The following ITGA11 variants were observed in gnomAD, a reference collection of about 807,000 sequenced individuals.
ITGA11 encodes integrin subunit alpha 11.
In ITGA11, 97 loss-of-function variants were observed where a neutral mutation model predicts 141.9. The ratio of observed to expected loss-of-function variants is 0.68; its 90% confidence interval spans 0.58 to 0.81. The LOEUF is 0.81. Among genes scored for constraint, ITGA11 ranks in the 30% least tolerant of loss-of-function variants. ITGA11 has a pLI of 0.00. For synonymous variants in ITGA11, 658 were observed against 624.6 expected, an observed-to-expected ratio of 1.05 and a Z score of -0.80; for missense variants, 1,387 against 1,559.2, an observed-to-expected ratio of 0.89 and a Z score of 1.86.
In ITGA11 at chr15:68,405,159, C is replaced by CGTTTTTTT. The variant is rs10647873; in HGVS notation, c.53-2131_53-2130insAAAAAAAC. Among the ~76,000 whole-genome samples the CGTTTTTTT allele has an allele frequency of 3.5e-4, 42 of 118,924 alleles. 9 individuals carry two copies. The highest frequency in any genetic ancestry group is 4.1e-4 in the African/African-American group (13 of 31,662). 78.0% of individuals were successfully genotyped at this position (118,924 alleles called of 152,430 possible). ...ACAAGTTATTTTTCCCACTGTCTCCCTTTTTTTTTTTTTTTTGCTCAGCAA... is the reference window on the plus strand; with the variant it reads ...ACAAGTTATTTTTCCCACTGTCTCCCGTTTTTTTTTTTTTTTTTTTTTTTGCTCAGCAA... On this transcript the variant is annotated intron_variant, in intron 1 of 29. Transcript: ENST00000315757.
intron 1 of ITGA11, among the ~76,000 whole-genome samples, chr15:68,405,256 C>A (rs1202675144): frequency 7.2e-6 from 1 of 139,592 alleles, no homozygotes; most frequent in Non-Finnish European, 1.5e-5. Context: ...AACTGAGGGA[C>A]CTTCAAGTAG....
rs561722268 is a variant in ITGA11, at chr15:68,352,780, C to T, written c.750-1378G>A. Among the ~76,000 whole-genome samples, 13 of 152,256 alleles carry T rather than the reference C, an allele frequency of 8.5e-5. No homozygotes were observed. The South Asian group carries it at 2.7e-3, about 32-fold the overall frequency. On this transcript the variant is annotated intron_variant, in intron 7 of 29. Coordinates refer to ENST00000315757, the MANE Select transcript of ITGA11 (RefSeq NM_001004439.2). ...CAGCCCACCTATCAGGCAATCCAGC[C>T]CAGGAGACAGCAGGGCTGGCACCTC...
rs946376454 is a variant in ITGA11, at chr15:68,334,951, C to A, written c.1425+746G>T. On this transcript the variant is annotated intron_variant, in intron 12 of 29. Transcript: ENST00000315757. Reference sequence around the variant, plus strand: ...AGGAGGAGGAATGGCAGGAGGGTGGCGCTCTGCAGTGAGAGGGATTTAGGT... The same window carrying A: ...AGGAGGAGGAATGGCAGGAGGGTGGAGCTCTGCAGTGAGAGGGATTTAGGT... 2.0e-5 allele frequency among the ~76,000 whole-genome samples: 3 copies of A among 151,980 alleles called. No homozygotes were observed. The East Asian group carries it at 5.8e-4, about 29-fold the overall frequency.
At chr15:68,356,979 G>C in intron 7 of ITGA11, 172 bp downstream of exon 7, 2 of 617,354 alleles carry the variant, frequency 3.2e-6, no homozygotes, top group South Asian at 4.1e-5. Flanking sequence ...CTACCTGAGA[G>C]GACCCAAGAG....
chr15:68,376,003 T>C lies in ITGA11; in HGVS notation c.165-6719A>G, dbSNP rs945559715. 2.0e-5 allele frequency among the ~76,000 whole-genome samples: 3 copies of C among 152,144 alleles called. No homozygotes were observed. In the East Asian group the frequency reaches 5.8e-4, roughly 29 times the overall value. ...TCTCCCTGGACCCTACCCCAGACCATCAACAGAGGCTGAAACTGGGGGTGG... is the reference window on the plus strand; with the variant it reads ...TCTCCCTGGACCCTACCCCAGACCACCAACAGAGGCTGAAACTGGGGGTGG... On this transcript the variant is annotated intron_variant, in intron 2 of 29. Coordinates refer to ENST00000315757, the MANE Select transcript of ITGA11 (RefSeq NM_001004439.2).
intron 2 of ITGA11, among the ~76,000 whole-genome samples, chr15:68,390,309 G>A (rs780881418): frequency 1.3e-5 from 2 of 152,100 alleles, no homozygotes; most frequent in African/African-American, 2.4e-5. Context: ...GGCCCTTGAC[G>A]TTCAAGGAGG....
intron 7 of ITGA11, among the ~76,000 whole-genome samples, chr15:68,356,304 G>A (rs541187431): frequency 1.7e-4 from 26 of 150,364 alleles, no homozygotes; most frequent in South Asian, 1.5e-3. Flanking sequence ...GGGTTTCACC[G>A]TGTTGCCCAG....
chr15:68,302,815 T>C lies in ITGA11; in HGVS notation c.*244A>G. The C allele has an allele frequency of 2.0e-6, 1 of 500,144 alleles. No individual in the cohort carries two copies. The highest frequency in any genetic ancestry group is 3.5e-6 in the Non-Finnish European group (1 of 283,820). 31.0% of individuals were successfully genotyped at this position (500,144 alleles called of 1,614,324 possible). A position where few individuals can be genotyped will look rare whatever the true frequency, so the allele number is the denominator to read the frequency against. On this transcript the variant is annotated 3_prime_UTR_variant, in exon 30 of 30. Transcript: ENST00000315757. ...GCATGGGCCTGGGTGTGTGTAGGGG[T>C]GTCCCTTTAAATCCCTAGGGGTCTG...
intron 2 of ITGA11, among the ~76,000 whole-genome samples, chr15:68,391,298 C>A (rs1283731220): frequency 6.6e-6 from 1 of 152,194 alleles, no homozygotes; most frequent in African/African-American, 2.4e-5. Flanking sequence ...GGACCCTGCC[C>A]ACCTGGGGCA....
chr15:68,357,566 CTTCT>C (rs1895109030), intron 6 of ITGA11, among the ~76,000 whole-genome samples: 1 of 152,182 alleles, frequency 6.6e-6, no homozygotes, highest in Admixed American at 6.5e-5. Context: ...AACAATTATG[CTTCT>C]TTCTTAGGAA....
intron 2 of ITGA11, among the ~76,000 whole-genome samples, chr15:68,388,665 A>T: frequency 6.6e-6 from 1 of 152,154 alleles, no homozygotes; most frequent in Non-Finnish European, 1.5e-5. Flanking sequence ...CTCATAAAGC[A>T]TGCCCCTTTC....
chr15:68,312,788 G>A lies in ITGA11; in HGVS notation c.2958C>T (p.Phe986=). 1 of 1,613,242 alleles carries A rather than the reference G, an allele frequency of 6.2e-7. No individual in the cohort carries two copies. Among genetic ancestry groups the A allele is most frequent in the Non-Finnish European group, 8.5e-7 (1 of 1,179,356 alleles). Residue 986 remains phenylalanine (F), a synonymous_variant, in exon 24 of 30, where the codon TTC becomes TTT. Transcript: ENST00000315757. ...LERYDGIGPP[F]SCIFRIQNLG... is the part of the protein sequence containing the mutation. ...CCAGCCTCACCCTGAAGATGCAGCT[G>A]AAGGGAGGCCCGATACCATCGTATC...
rs571528480 is a variant in ITGA11 at position 68,360,571 on chromosome 15, C to G, written c.472+1019G>C. ...TGCCCTGGAATCTGCATTTGGTAAG[C>G]TTCAGAGCAATGCTGCTGGTCAGCC... On this transcript the variant is annotated intron_variant, in intron 5 of 29. Coordinates refer to ENST00000315757, the MANE Select transcript of ITGA11 (RefSeq NM_001004439.2). 5.3e-5 allele frequency among the ~76,000 whole-genome samples: 8 copies of G among 152,230 alleles called. No individual in the cohort carries two copies. In the South Asian group the frequency reaches 1.7e-3, roughly 32 times the overall value.
chr15:68,398,075 C>T (rs1488495209), intron 2 of ITGA11, among the ~76,000 whole-genome samples: 8 of 151,756 alleles, frequency 5.3e-5, no homozygotes, highest in Non-Finnish European at 8.8e-5. Flanking sequence ...ACCATCAAGA[C>T]TAGGAAGAAA....
chr15:68,374,037 C>CA (rs1192181209), intron 2 of ITGA11, among the ~76,000 whole-genome samples: 2 of 151,906 alleles, frequency 1.3e-5, no homozygotes, highest in Non-Finnish European at 2.9e-5. Context: ...GTGTACAAGG[C>CA]AAAAAAGTGC....
At chr15:68,407,711 C>T (rs1290767620) in intron 1 of ITGA11, among the ~76,000 whole-genome samples, 1 of 152,192 alleles carries the variant, frequency 6.6e-6, no homozygotes, top group East Asian at 1.9e-4. Context: ...TCAACTGTTG[C>T]TCCCTTTCTC....
chr15:68,303,644 A>G lies in ITGA11; in HGVS notation c.3495+128T>C, dbSNP rs1022759405. The G allele has an allele frequency of 6.5e-6, 4 of 616,360 alleles. No individual in the cohort carries two copies. Among genetic ancestry groups the G allele is most frequent in the African/African-American group, 1.9e-5 (1 of 53,554 alleles). 38.2% of individuals were successfully genotyped at this position (616,360 alleles called of 1,614,324 possible). Reference sequence around the variant, plus strand: ...GTTGGCCCTAACCAGTGTGTCTGCTATGGCGAGGGGTGGGGTGCCAGCTCC... The same window carrying G: ...GTTGGCCCTAACCAGTGTGTCTGCTGTGGCGAGGGGTGGGGTGCCAGCTCC... On this transcript the variant is annotated intron_variant, in intron 29 of 29. Transcript: ENST00000315757. This position sits in a 1 kb window ranked among gnomAD's most constrained non-coding sequence, Gnocchi z 5.3.
intron 7 of ITGA11, among the ~76,000 whole-genome samples, chr15:68,352,843 T>C (rs1342554060): frequency 2.6e-5 from 4 of 152,128 alleles, no homozygotes; most frequent in African/African-American, 4.8e-5. Flanking sequence ...TAACAGGCCA[T>C]TGGGCTACAA....
intron 1 of ITGA11, among the ~76,000 whole-genome samples, chr15:68,431,727 G>T (rs1471233759): frequency 1.3e-5 from 2 of 152,250 alleles, no homozygotes; most frequent in Non-Finnish European, 2.9e-5. Context: ...CACCTAAGGC[G>T]CCCAGGAGGG....
Sources: allele counts gnomAD v4.1 joint callset (sites outside exome capture counted in the v4.1 genomes callset), GRCh38; gene constraint gnomAD v4.1.1; non-coding constraint Gnocchi (gnomAD v3.1); transcripts MANE v1.5; gene names NCBI Gene and HGNC (gene_info 2026-07-23, HGNC 2026-07-21).